Variants in DNAJC15 observed in about 807,000 individuals in gnomAD.
DNAJC15 encodes dnaJ homolog subfamily C member 15.
Under a neutral mutation model 22.4 loss-of-function variants are expected in DNAJC15, and 27 were observed. The ratio of observed to expected loss-of-function variants is 1.20; its 90% CI spans 0.89 to 1.66. DNAJC15 has a LOEUF of 1.66. Among genes scored for constraint, DNAJC15 ranks in the 40% most tolerant of loss-of-function variants. The probability of loss-of-function intolerance (pLI) is 0.00; values close to 1 mark genes in which losing one functional copy is unlikely to be tolerated. For missense variants in DNAJC15, 208 were observed against 187.1 expected, an observed-to-expected ratio of 1.11 and a Z score of -0.65; for synonymous variants, 79 against 63.2, an observed-to-expected ratio of 1.25 and a Z score of -1.19.
chr13:43,097,712 G>C (rs141269579), intron 5 of DNAJC15, among the ~76,000 whole-genome samples: 2,536 of 152,062 alleles, frequency 0.017, 82 homozygotes, highest in East Asian at 0.1. Context: ...CTGAGGCGGG[G>C]AGATCACCTG....
intron 1 of DNAJC15, among the ~76,000 whole-genome samples, chr13:43,051,061 G>A (rs573366619): frequency 1.1e-4 from 16 of 152,158 alleles, no homozygotes; most frequent in South Asian, 1.0e-3. Flanking sequence ...TGCAACCTCC[G>A]CCTCCCAGGT....
rs71429448 is a variant in DNAJC15 at position 43,034,607 on chromosome 13, A to T, written c.108+10873A>T. Among the ~76,000 whole-genome samples, 125 of 114,054 alleles carry T rather than the reference A, an allele frequency of 1.1e-3. 1 individual carries two copies. Among genetic ancestry groups the T allele is most frequent in the Admixed American group, 1.9e-3 (22 of 11,358 alleles). The allele number at this position is 114,054 out of a possible 152,430, so 74.8% of individuals were successfully genotyped here. A position where few individuals can be genotyped will look rare whatever the true frequency, so the allele number is the denominator to read the frequency against. ...TAGGATTACAGGCGTGAGCCACCGCACCCAGCCGAGATTGTCCTTTTACTC... is the reference window on the plus strand; with the variant it reads ...TAGGATTACAGGCGTGAGCCACCGCTCCCAGCCGAGATTGTCCTTTTACTC... On this transcript the variant is annotated intron_variant, in intron 1 of 5. Transcript: ENST00000379221.
chr13:43,058,252 C>T (rs1285916778), intron 1 of DNAJC15, among the ~76,000 whole-genome samples: 1 of 152,180 alleles, frequency 6.6e-6, no homozygotes, highest in Non-Finnish European at 1.5e-5. Flanking sequence ...GCATCAGCTG[C>T]AGCAGTATGG....
chr13:43,036,821 A>T (rs1001140167), intron 1 of DNAJC15, among the ~76,000 whole-genome samples: 1 of 152,154 alleles, frequency 6.6e-6, no homozygotes, highest in Non-Finnish European at 1.5e-5. Context: ...GCATGTCATC[A>T]CCGCTCTTAG....
At chr13:43,024,116 T>TCTGAATGAA (rs1356884319) in intron 1 of DNAJC15, among the ~76,000 whole-genome samples, 1 of 152,020 alleles carries the variant, frequency 6.6e-6, no homozygotes, top group Non-Finnish European at 1.5e-5. Context: ...TAGTTAAAAA[T>TCTGAATGAA]TAAGATCTGA....
chr13:43,077,525 A>AT (rs1051178066), intron 3 of DNAJC15, among the ~76,000 whole-genome samples: 6 of 152,348 alleles, frequency 3.9e-5, no homozygotes, highest in Admixed American at 3.9e-4. Context: ...GTGAGCATAT[A>AT]TATAAGAAGT....
At chr13:43,075,412 T>A (rs4325447) in intron 3 of DNAJC15, among the ~76,000 whole-genome samples, 2 of 152,326 alleles carry the variant, frequency 1.3e-5, no homozygotes, top group East Asian at 3.9e-4. Context: ...ATCTTTTTTA[T>A]TATGCTGGCT....
At chr13:43,048,323 T>A (rs368824434) in intron 1 of DNAJC15, among the ~76,000 whole-genome samples, 1,797 of 47,462 alleles carry the variant, frequency 0.038, 18 homozygotes, top group Non-Finnish European at 0.055. Flanking sequence ...CTACTAAAAA[T>A]ACAAAAAAAA....
chr13:43,096,104 A>T (rs1406290720), intron 5 of DNAJC15, among the ~76,000 whole-genome samples: 2 of 152,102 alleles, frequency 1.3e-5, no homozygotes, highest in African/African-American at 4.8e-5. Flanking sequence ...AGAGAAGGTG[A>T]TTTAGAAGAG....
At chr13:43,080,633 TTTTTG>T (rs1342921404) in intron 4 of DNAJC15, among the ~76,000 whole-genome samples, 7 of 152,248 alleles carry the variant, frequency 4.6e-5, no homozygotes, top group South Asian at 2.1e-4. Context: ...TGGTCAAGCT[TTTTTG>T]TTTTGTTTTG....
At chr13:43,041,797 A>G (rs560418993) in intron 1 of DNAJC15, among the ~76,000 whole-genome samples, 31 of 152,368 alleles carry the variant, frequency 2.0e-4, no homozygotes, top group Non-Finnish European at 2.6e-4. Context: ...ACATCCATGC[A>G]GTCAATTAAC....
At position 43,110,126 on chromosome 13, in the gene DNAJC15, T is replaced by G. The variant is rs1219726976; in HGVS notation, c.*2878T>G. 1 of 152,212 alleles carries G rather than the reference T, an allele frequency of 6.6e-6. No homozygotes were observed. Among genetic ancestry groups the G allele is most frequent in the Non-Finnish European group, 1.5e-5 (1 of 68,054 alleles). 9.4% of individuals were successfully genotyped at this position (152,212 alleles called of 1,614,324 possible). Reference sequence around the variant, plus strand: ...TCTATTCCTTGCAGCATTAACAGGCTGGAGGCACCACTTCTCTGGCCAGCA... The same window carrying G: ...TCTATTCCTTGCAGCATTAACAGGCGGGAGGCACCACTTCTCTGGCCAGCA... On this transcript the variant is annotated 3_prime_UTR_variant, in exon 6 of 6. Transcript: ENST00000379221.
intron 1 of DNAJC15, among the ~76,000 whole-genome samples, chr13:43,042,937 C>T (rs956615278): frequency 6.6e-6 from 1 of 152,090 alleles, no homozygotes; most frequent in Non-Finnish European, 1.5e-5. Flanking sequence ...TCACCATGTT[C>T]CTGGGTTCAA....
chr13:43,051,634 G>GGTGTGTGT (rs57271276), intron 1 of DNAJC15, among the ~76,000 whole-genome samples: 141 of 133,152 alleles, frequency 1.1e-3, no homozygotes, highest in African/African-American at 3.4e-3. Flanking sequence ...AGTACTTCAT[G>GGTGTGTGT]GTGTGTGTGT....
At chr13:43,075,088 A>AT (rs2040627248) in intron 3 of DNAJC15, among the ~76,000 whole-genome samples, 1 of 152,052 alleles carries the variant, frequency 6.6e-6, no homozygotes, top group Non-Finnish European at 1.5e-5. Context: ...TAACATAGCA[A>AT]TTTTTTGTTT....
intron 1 of DNAJC15, among the ~76,000 whole-genome samples, chr13:43,054,826 C>T (rs1029558135): frequency 3.9e-5 from 6 of 152,086 alleles, no homozygotes; most frequent in Non-Finnish European, 8.8e-5. Context: ...TTCCTTCTAA[C>T]ATAAAGTAGC....
intron 4 of DNAJC15, among the ~76,000 whole-genome samples, chr13:43,083,099 T>G (rs1159168653): frequency 6.6e-6 from 1 of 152,154 alleles, no homozygotes; most frequent in Non-Finnish European, 1.5e-5. Context: ...GAGTTTACCT[T>G]TTTACAGTCA....
chr13:43,041,552 AAC>A (rs931902341), intron 1 of DNAJC15, among the ~76,000 whole-genome samples: 9 of 152,298 alleles, frequency 5.9e-5, no homozygotes, highest in African/African-American at 2.2e-4. Context: ...CCTGCCTCCC[AAC>A]ACACACATTG....
chr13:43,029,381 T>G (rs1178882986), intron 1 of DNAJC15, among the ~76,000 whole-genome samples: 2 of 152,348 alleles, frequency 1.3e-5, no homozygotes, highest in East Asian at 3.9e-4. Flanking sequence ...CAACTCTTGT[T>G]TTTCTTGGAC....
Sources: allele counts gnomAD v4.1 joint callset (sites outside exome capture counted in the v4.1 genomes callset), GRCh38; gene constraint gnomAD v4.1.1; transcripts MANE v1.5; gene names NCBI Gene and HGNC (gene_info 2026-07-23, HGNC 2026-07-21).